MAS1: variants seen among roughly 807,000 people sequenced by gnomAD.
MAS1 encodes MAS1 proto-oncogene, G protein-coupled receptor.
For synonymous variants in MAS1, 163 were observed against 164.2 expected (o/e 0.99, Z 0.05); for missense variants, 387 against 409.7 (o/e 0.94, Z 0.48).
rs1782998106 is a variant in MAS1 at position 159,914,402 on chromosome 6, A to T, written c.*6469A>T. On this transcript the variant is annotated 3_prime_UTR_variant, in exon 3 of 3. Coordinates refer to ENST00000674077, the MANE Select transcript of MAS1 (RefSeq NM_002377.4). Reference sequence around the variant, plus strand: ...CTTTGCTACTTAGTATTGGAACTTAAACTCTGGTCTGTTGTTTCTTCCTGT... The same window carrying T: ...CTTTGCTACTTAGTATTGGAACTTATACTCTGGTCTGTTGTTTCTTCCTGT... The T allele has an allele frequency of 6.6e-6, 1 of 151,652 alleles. No individual in the cohort carries two copies. Among genetic ancestry groups the T allele is most frequent in the Non-Finnish European group, 1.5e-5 (1 of 67,896 alleles). 9.4% of individuals were successfully genotyped at this position (151,652 alleles called of 1,614,324 possible).
At position 159,914,386 on chromosome 6, in the gene MAS1, T is replaced by C. The variant is rs2115125991; in HGVS notation, c.*6453T>C. ...CTTGGTGGTGTCAGAGCTTTGCTAC[T>C]TAGTATTGGAACTTAAACTCTGGTC... On this transcript the variant is annotated 3_prime_UTR_variant, in exon 3 of 3. Transcript: ENST00000674077. 6.6e-6 allele frequency: 1 copy of C among 152,310 alleles called. No individual in the cohort carries two copies. The highest frequency in any genetic ancestry group is 2.1e-4 in the South Asian group (1 of 4,820). 9.4% of individuals were successfully genotyped at this position (152,310 alleles called of 1,614,324 possible).
chr6:159,889,074 C>T (rs1405395082), upstream of MAS1, among the ~76,000 whole-genome samples: 1 of 152,182 alleles, frequency 6.6e-6, no homozygotes, highest in African/African-American at 2.4e-5. Flanking sequence ...AAGAGAGCCA[C>T]CTCTTTCTGA....
intron 2 of MAS1, chr6:159,902,158 G>C (rs1303462722): frequency 6.6e-6 from 1 of 152,186 alleles, no homozygotes; most frequent in East Asian, 1.9e-4. Context: ...GTCCATGAGA[G>C]ATCCCAGGGC....
chr6:159,905,331 G>A (rs1782872371), intron 2 of MAS1, among the ~76,000 whole-genome samples: 2 of 152,186 alleles, frequency 1.3e-5, no homozygotes, highest in East Asian at 1.9e-4. Flanking sequence ...CAGGGCATGC[G>A]AGCTCTCATC....
In MAS1 at chr6:159,907,764, C is replaced by G. The variant is rs769196974; in HGVS notation, c.809C>G (p.Thr270Arg). The G allele has an allele frequency of 6.2e-7, 1 of 1,613,690 alleles. No individual in the cohort carries two copies. Among genetic ancestry groups the G allele is most frequent in the Non-Finnish European group, 8.5e-7 (1 of 1,179,958 alleles). The change falls in exon 3 of 3, where the codon ACA (threonine) becomes AGA (arginine). Residue 270 changes from threonine (T) to arginine (R), a missense_variant. Physicochemically the swap from Thr to Arg is moderately conservative, Grantham distance 71. Transcript: ENST00000674077. Reference sequence around the variant, plus strand: ...CACCACATTTCCCTGCTCTTCTCCACAATCAACAGTAGCGCCAACCCTTTC... The same window carrying G: ...CACCACATTTCCCTGCTCTTCTCCAGAATCAACAGTAGCGCCAACCCTTTC... ...NLHHISLLFS[T>R]INSSANPFIY...
At chr6:159,890,783 C>G (rs1167483290), upstream of MAS1, among the ~76,000 whole-genome samples, 1 of 152,232 alleles carries the variant, frequency 6.6e-6, no homozygotes, top group African/African-American at 2.4e-5. Flanking sequence ...TCCACGTCAT[C>G]TTTCTCTTTA....
In MAS1 at chr6:159,907,216, G is replaced by T. The variant is rs191896350; in HGVS notation, c.261G>T (p.Leu87Phe). ...DISLLFCIFI[L>F]SIDYALDYEL... Reference sequence around the variant, plus strand: ...CACTGCTCTTCTGTATTTTCATCTTGTCTATCGACTATGCTTTAGATTATG... The same window carrying T: ...CACTGCTCTTCTGTATTTTCATCTTTTCTATCGACTATGCTTTAGATTATG... The change falls in exon 3 of 3, where the codon TTG becomes TTT. Residue 87 changes from leucine to phenylalanine, a missense_variant. By Grantham distance (22) the Leu-to-Phe change is conservative. Coordinates refer to ENST00000674077, the MANE Select transcript of MAS1 (RefSeq NM_002377.4). 6 of 1,614,088 alleles carry T rather than the reference G, an allele frequency of 3.7e-6. No homozygotes were observed. The highest frequency in any genetic ancestry group is 5.1e-6 in the Non-Finnish European group (6 of 1,180,008).
Position 159,915,858 on chromosome 6 carries a change from C to T in MAS1, c.*7925C>T, listed in dbSNP as rs962169499. On this transcript the variant is annotated 3_prime_UTR_variant, in exon 3 of 3. Transcript: ENST00000674077. ...CAGTGAGGCCCCACCTCAGAACTGCCCTCCTGGAAGGGCGAAGGAGCCGTG... is the reference window on the plus strand; with the variant it reads ...CAGTGAGGCCCCACCTCAGAACTGCTCTCCTGGAAGGGCGAAGGAGCCGTG... 6.6e-6 allele frequency: 1 copy of T among 152,268 alleles called. No homozygotes were observed. The highest frequency in any genetic ancestry group is 2.4e-5 in the African/African-American group (1 of 41,442). 9.4% of individuals were successfully genotyped at this position (152,268 alleles called of 1,614,324 possible).
At chr6:159,894,675 G>T (rs1309162494) in intron 1 of MAS1, among the ~76,000 whole-genome samples, 1 of 152,200 alleles carries the variant, frequency 6.6e-6, no homozygotes, top group Non-Finnish European at 1.5e-5. Context: ...GCTTCTAGAG[G>T]ACTTGGCTGA....
Position 159,912,467 on chromosome 6 carries a change from A to G in MAS1, c.*4534A>G, listed in dbSNP as rs1032177145. 1 of 152,218 alleles carries G rather than the reference A, an allele frequency of 6.6e-6. No homozygotes were observed. The highest frequency in any genetic ancestry group is 6.5e-5 in the Admixed American group (1 of 15,278). 9.4% of individuals were successfully genotyped at this position (152,218 alleles called of 1,614,324 possible). A position where few individuals can be genotyped will look rare whatever the true frequency, so the allele number is the denominator to read the frequency against. The stretch of plus-strand genomic sequence containing the variant: ...CCAGCTGTTCAGGCTGCTGAATGAG[A>G]TGGTGAGGAGTGGGTGGTAGAAGTG... On this transcript the variant is annotated 3_prime_UTR_variant, in exon 3 of 3. Transcript: ENST00000674077.
In MAS1 at chr6:159,916,672, G is replaced by C. The variant is rs1178309683; in HGVS notation, c.*8739G>C. 1 of 152,198 alleles carries C rather than the reference G, an allele frequency of 6.6e-6. No homozygotes were observed. Among genetic ancestry groups the C allele is most frequent in the Admixed American group, 6.5e-5 (1 of 15,280 alleles). The allele number at this position is 152,198 out of a possible 1,614,324, so 9.4% of individuals were successfully genotyped here. A position where few individuals can be genotyped will look rare whatever the true frequency, so the allele number is the denominator to read the frequency against. On this transcript the variant is annotated 3_prime_UTR_variant, in exon 3 of 3. Coordinates refer to ENST00000674077, the MANE Select transcript of MAS1 (RefSeq NM_002377.4). The stretch of plus-strand genomic sequence containing the variant: ...CTCCAGTGAGTGGAGCACTGGCACT[G>C]TTGCCAGTGAGAGGCAAAGACACGA...
Position 159,896,105 on chromosome 6 carries a change from T to C in MAS1, c.-243-3081T>C, listed in dbSNP as rs186216554. Among the ~76,000 whole-genome samples the C allele has an allele frequency of 2.9e-3, 438 of 152,298 alleles. 1 individual carries two copies. Among genetic ancestry groups the C allele is most frequent in the African/African-American group, 9.6e-3 (400 of 41,554 alleles). ...AGGAGAATCAGTTGAGTCCAAGAGT[T>C]TGAGACCATCCTGGGCAACATGGGA... On this transcript the variant is annotated intron_variant, in intron 1 of 2. Coordinates refer to ENST00000674077, the MANE Select transcript of MAS1 (RefSeq NM_002377.4).
At chr6:159,888,927 G>A (rs1782665761), upstream of MAS1, among the ~76,000 whole-genome samples, 2 of 152,166 alleles carry the variant, frequency 1.3e-5, no homozygotes, top group South Asian at 2.1e-4. Flanking sequence ...GTGAGTTGCT[G>A]TATTTTCTCT....
At chr6:159,891,519 G>A (rs545639681) in intron 1 of MAS1, among the ~76,000 whole-genome samples, 6 of 152,334 alleles carry the variant, frequency 3.9e-5, no homozygotes, top group Non-Finnish European at 8.8e-5. Flanking sequence ...TGATAAAGAA[G>A]TTGAGGTTTG....
intron 2 of MAS1, chr6:159,906,579 A>G (rs578213930): frequency 3.0e-4 from 52 of 172,744 alleles, no homozygotes; most frequent in Admixed American, 2.3e-4. Flanking sequence ...AGCTCAGGCC[A>G]GAACTGGAAA....
chr6:159,900,995 G>A (rs1340451767), intron 2 of MAS1, among the ~76,000 whole-genome samples: 3 of 152,152 alleles, frequency 2.0e-5, no homozygotes, highest in Non-Finnish European at 4.4e-5. Context: ...CAGTTCTGGA[G>A]GCCAGAAGTC....
Position 159,907,372 on chromosome 6 carries a change from G to A in MAS1, c.417G>A (p.Trp139Ter). ...GCCTGTCAGTCCTTTACCCCATCTG[G>A]TACCGATGCCATCGCCCCAAGTACC... is the stretch of plus-strand genomic sequence containing the variant. Reference protein sequence around the residue: ...ERCLSVLYPIWYRCHRPKYQS... With the variant: ...ERCLSVLYPI Residue 139 changes from tryptophan (W) to a stop codon, truncating the protein, a stop_gained, in exon 3 of 3, where the codon TGG (tryptophan) becomes TGA (stop). Transcript: ENST00000674077. LOFTEE classifies it low-confidence loss of function (END_TRUNC). 6.2e-7 allele frequency: 1 copy of A among 1,614,114 alleles called. No individual in the cohort carries two copies. Among genetic ancestry groups the A allele is most frequent in the Non-Finnish European group, 8.5e-7 (1 of 1,180,040 alleles).
rs1782989153 is a variant in MAS1 at position 159,913,622 on chromosome 6, C to A, written c.*5689C>A. On this transcript the variant is annotated 3_prime_UTR_variant, in exon 3 of 3. Coordinates refer to ENST00000674077, the MANE Select transcript of MAS1 (RefSeq NM_002377.4). ...TGGACCAGAGTTCCTACACAAGGCCCTTTGATGTGGTTTGGGTTTCTTACA... is the reference window on the plus strand; with the variant it reads ...TGGACCAGAGTTCCTACACAAGGCCATTTGATGTGGTTTGGGTTTCTTACA... 6.6e-6 allele frequency: 1 copy of A among 152,174 alleles called. No homozygotes were observed. Among genetic ancestry groups the A allele is most frequent in the South Asian group, 2.1e-4 (1 of 4,826 alleles). 9.4% of individuals were successfully genotyped at this position (152,174 alleles called of 1,614,324 possible).
intron 2 of MAS1, 176 bp from the exon 3 acceptor site, chr6:159,906,744 T>C (rs1782891174): frequency 1.8e-6 from 1 of 540,608 alleles, no homozygotes; most frequent in East Asian, 3.2e-5. Flanking sequence ...TAAGTTCCTT[T>C]CTTATCAGGT....
Sources: allele counts gnomAD v4.1 joint callset (sites outside exome capture counted in the v4.1 genomes callset), GRCh38; gene constraint gnomAD v4.1.1; transcripts MANE v1.5; gene names NCBI Gene and HGNC (gene_info 2026-07-23, HGNC 2026-07-21).